RBM6: variants seen among roughly 807,000 people sequenced by gnomAD.
RBM6 encodes the protein RNA binding motif protein 6.
RBM6 carries 23 observed loss-of-function variants against 140.4 expected under a neutral mutation model. The observed-to-expected ratio is 0.16, with a 90% CI of 0.12 to 0.23. The LOEUF (loss-of-function observed/expected upper bound fraction) is 0.23. Ranked by LOEUF, RBM6 falls within the 10% of genes least tolerant of loss-of-function variation. The pLI, the probability that RBM6 is intolerant of heterozygous loss-of-function variation, is 1.00. For synonymous variants in RBM6, 439 were observed against 475.6 expected, an observed-to-expected ratio of 0.92 and a Z score of 1.00; for missense variants, 1,139 against 1,386.7, an observed-to-expected ratio of 0.82 and a Z score of 2.84.
chr3:50,043,881 CT>C (rs35383235), intron 6 of RBM6, among the ~76,000 whole-genome samples: 68,656 of 134,120 alleles, frequency 0.51, 17,698 homozygotes, highest in East Asian at 0.85. Context: ...CGTGCCCAGC[CT>C]TTTTTTTTTT....
chr3:50,070,425 T>C, intron 18 of RBM6, 30 bp from the exon 19 acceptor site: 4 of 1,528,618 alleles, frequency 2.6e-6, no homozygotes, highest in Non-Finnish European at 3.6e-6. Flanking sequence ...CAGGTGGCAA[T>C]CTCAGGTCTG....
chr3:49,950,823 A>G (rs2083698777), intron 1 of RBM6, among the ~76,000 whole-genome samples: 1 of 152,116 alleles, frequency 6.6e-6, no homozygotes, highest in African/African-American at 2.4e-5. Flanking sequence ...TAACAATTTT[A>G]CTTCTGGATA....
At position 50,061,818 on chromosome 3, in the gene RBM6, G is replaced by T. The variant is rs551756512; in HGVS notation, c.2440-144G>T. On this transcript the variant is annotated intron_variant, in intron 14 of 20. Transcript: ENST00000266022. ...GAATGTGTCCTGGTCCCTGGAGTGG[G>T]TTTTTAGATTGATGTGGACTCTTCT... 10 of 1,296,588 alleles carry T rather than the reference G, an allele frequency of 7.7e-6. No individual in the cohort carries two copies. In the South Asian group the frequency reaches 1.4e-4, roughly 19 times the overall value. 80.3% of individuals were successfully genotyped at this position (1,296,588 alleles called of 1,614,324 possible). A position where few individuals can be genotyped will look rare whatever the true frequency, so the allele number is the denominator to read the frequency against.
intron 7 of RBM6, among the ~76,000 whole-genome samples, chr3:50,050,320 T>C (rs557401883): frequency 2.6e-4 from 40 of 152,350 alleles, no homozygotes; most frequent in Admixed American, 1.0e-3. Flanking sequence ...AATCAAAATA[T>C]GTAAACTTTT....
At chr3:50,000,061 G>A (rs776056376) in intron 6 of RBM6, among the ~76,000 whole-genome samples, 5 of 152,166 alleles carry the variant, frequency 3.3e-5, no homozygotes, top group African/African-American at 1.2e-4. Context: ...AATTGGAGTT[G>A]CATACTCAAG....
intron 18 of RBM6, 29 bp downstream of exon 18, chr3:50,068,793 G>A (rs1206177028): frequency 6.3e-7 from 1 of 1,591,894 alleles, no homozygotes; most frequent in Non-Finnish European, 8.6e-7. Context: ...TTACTCCCTT[G>A]ACCTCAGCTC....
intron 6 of RBM6, among the ~76,000 whole-genome samples, chr3:50,015,046 C>CAAAAAAAAAAAAAAAAAAA (rs71080566): frequency 1.9e-5 from 1 of 52,852 alleles, no homozygotes; most frequent in African/African-American, 8.5e-5. Context: ...GAGACTGTCT[C>CAAAAAAAAAAAAAAAAAAA]AAAAAAAAAA....
chr3:50,074,703 A>G (rs2090406637), intron 19 of RBM6, among the ~76,000 whole-genome samples: 2 of 152,252 alleles, frequency 1.3e-5, no homozygotes, highest in Non-Finnish European at 2.9e-5. Flanking sequence ...TCTTGTGAAC[A>G]GGGCCATATC....
chr3:50,000,335 G>GTTTTT (rs372944661), intron 6 of RBM6, among the ~76,000 whole-genome samples: 1 of 121,236 alleles, frequency 8.2e-6, no homozygotes. Flanking sequence ...AGTTTGATGT[G>GTTTTT]TTTTTTTTTT....
intron 19 of RBM6, among the ~76,000 whole-genome samples, chr3:50,073,014 A>G (rs938659052): frequency 6.6e-6 from 1 of 151,842 alleles, no homozygotes; most frequent in Non-Finnish European, 1.5e-5. Context: ...TTGCTGCTCT[A>G]CCCTCTTGAC....
chr3:50,007,594 G>A (rs1188280442), intron 6 of RBM6, among the ~76,000 whole-genome samples: 3 of 151,504 alleles, frequency 2.0e-5, no homozygotes, highest in African/African-American at 7.3e-5. Flanking sequence ...GTGCGGTGGC[G>A]TGATCTCGGC....
intron 5 of RBM6, among the ~76,000 whole-genome samples, chr3:49,984,281 C>T (rs1472719301): frequency 6.6e-6 from 1 of 151,628 alleles, no homozygotes; most frequent in African/African-American, 2.4e-5. Context: ...CCAGCATGGG[C>T]AACAGAGAGA....
At chr3:50,054,508 C>CTT (rs373305597) in intron 8 of RBM6, 113 bp downstream of exon 8, 1,323 of 718,652 alleles carry the variant, frequency 1.8e-3, no homozygotes, top group Non-Finnish European at 2.1e-3. Context: ...ATCTACAAAC[C>CTT]TTTTTTTTTT....
chr3:50,001,516 C>G (rs187519625), intron 6 of RBM6, among the ~76,000 whole-genome samples: 8 of 152,206 alleles, frequency 5.3e-5, no homozygotes, highest in African/African-American at 1.9e-4. Flanking sequence ...TATAAGTAAT[C>G]TAGAGATGGT....
At chr3:49,984,651 G>A (rs76367790) in intron 5 of RBM6, among the ~76,000 whole-genome samples, 70,230 of 148,182 alleles carry the variant, frequency 0.47, 17,009 homozygotes, top group African/African-American at 0.52. Flanking sequence ...GCATCGCATC[G>A]CATCGCATCG....
chr3:49,998,389 C>T (rs1228774032), intron 5 of RBM6, among the ~76,000 whole-genome samples: 1 of 152,060 alleles, frequency 6.6e-6, no homozygotes, highest in African/African-American at 2.4e-5. Flanking sequence ...ACATCTTTTT[C>T]TTGCGGTTCC....
intron 6 of RBM6, among the ~76,000 whole-genome samples, chr3:50,033,696 G>C (rs1299504779): frequency 6.6e-6 from 1 of 152,082 alleles, no homozygotes; most frequent in African/African-American, 2.4e-5. Flanking sequence ...ACCAGGTGGA[G>C]TGCAGTGGCG....
In RBM6 at chr3:49,999,434, C is replaced by T. The variant is rs755567450; in HGVS notation, c.1484-6C>T. On this transcript the variant is annotated splice_polypyrimidine_tract_variant and splice_region_variant and intron_variant, in intron 5 of 20. Coordinates refer to ENST00000266022, the MANE Select transcript of RBM6 (RefSeq NM_005777.3). ...ACTCCCGTCTGTATTTAAATGCTGT[C>T]CCCAGGTTACGACTATGGCTATGTC... 9 of 1,611,934 alleles carry T rather than the reference C, an allele frequency of 5.6e-6. No individual in the cohort carries two copies. Among genetic ancestry groups the T allele is most frequent in the Non-Finnish European group, 7.6e-6 (9 of 1,178,136 alleles).
In RBM6 at chr3:49,955,578, C is replaced by A. The variant is rs186399356; in HGVS notation, c.-66-6998C>A. Among the ~76,000 whole-genome samples, 6 of 152,122 alleles carry A rather than the reference C, an allele frequency of 3.9e-5. No individual in the cohort carries two copies. In the East Asian group the frequency reaches 9.7e-4, roughly 25 times the overall value. On this transcript the variant is annotated intron_variant, in intron 1 of 20. Coordinates refer to ENST00000266022, the MANE Select transcript of RBM6 (RefSeq NM_005777.3). ...GTATCCTAGGCTGGGCGCAGTGGCT[C>A]ACGCCTGTAATCCCAGCCCTTTGGG...
Sources: allele counts gnomAD v4.1 joint callset (sites outside exome capture counted in the v4.1 genomes callset), GRCh38; gene constraint gnomAD v4.1.1; transcripts MANE v1.5; gene names NCBI Gene and HGNC (gene_info 2026-07-23, HGNC 2026-07-21).